Variants in SLX4IP observed in about 807,000 individuals in gnomAD.
SLX4IP encodes the protein protein SLX4IP.
In SLX4IP, 34 loss-of-function variants were observed where a neutral mutation model predicts 32.9. The ratio of observed to expected loss-of-function variants is 1.03; its 90% CI spans 0.79 to 1.38. The LOEUF (loss-of-function observed/expected upper bound fraction) is 1.38. Among genes scored for constraint, SLX4IP ranks in the 40% most tolerant of loss-of-function variants. The probability of loss-of-function intolerance (pLI) is 0.00; values close to 1 mark genes in which losing one functional copy is unlikely to be tolerated. For missense variants in SLX4IP, 444 were observed against 479.0 expected, an observed-to-expected ratio of 0.93 and a Z score of 0.68; for synonymous variants, 172 against 171.7, an observed-to-expected ratio of 1.00 and a Z score of -0.01.
At chr20:10,511,194 C>A (rs908555520) in intron 2 of SLX4IP, among the ~76,000 whole-genome samples, 3 of 152,186 alleles carry the variant, frequency 2.0e-5, no homozygotes, top group East Asian at 1.9e-4. Context: ...CTGCTGACAC[C>A]TATTTACTCT....
chr20:10,598,880 G>A (rs542087803), intron 5 of SLX4IP, 128 bp downstream of exon 5: 28 of 891,482 alleles, frequency 3.1e-5, no homozygotes, highest in African/African-American at 2.0e-4. Context: ...GAGTGTGTCC[G>A]AAAGTTTGCG....
intron 4 of SLX4IP, among the ~76,000 whole-genome samples, chr20:10,583,548 G>A (rs975286022): frequency 6.6e-6 from 1 of 152,124 alleles, no homozygotes; most frequent in African/African-American, 2.4e-5. Context: ...CATCCGGATG[G>A]TGGCATTAAC....
intron 2 of SLX4IP, among the ~76,000 whole-genome samples, chr20:10,528,923 G>T (rs2065961952): frequency 6.6e-6 from 1 of 152,220 alleles, no homozygotes; most frequent in African/African-American, 2.4e-5. Flanking sequence ...CTAGCTCAAA[G>T]TTGATATTCC....
At chr20:10,447,631 A>G (rs149839201) in intron 1 of SLX4IP, among the ~76,000 whole-genome samples, 11 of 152,160 alleles carry the variant, frequency 7.2e-5, no homozygotes, top group African/African-American at 2.4e-4. Flanking sequence ...CTTTGTATTC[A>G]TAGATTTCTA....
chr20:10,613,520 A>G, intron 6 of SLX4IP: 1 of 1,609,482 alleles, frequency 6.2e-7, no homozygotes, highest in Non-Finnish European at 8.5e-7. Context: ...GAGCCAGAAA[A>G]TTGTCCATTT....
At chr20:10,614,057 G>C in intron 6 of SLX4IP, 3 of 1,523,268 alleles carry the variant, frequency 2.0e-6, no homozygotes, top group South Asian at 2.3e-5. Flanking sequence ...AGCGGGTGGC[G>C]TCCTCCTTGT....
intron 4 of SLX4IP, among the ~76,000 whole-genome samples, chr20:10,595,831 G>GCT (rs1221237905): frequency 1.3e-5 from 2 of 152,192 alleles, no homozygotes; most frequent in African/African-American, 4.8e-5. Context: ...CATATGACCA[G>GCT]TCGAATTTGG....
intron 1 of SLX4IP, among the ~76,000 whole-genome samples, chr20:10,454,557 G>A (rs975822002): frequency 1.3e-5 from 2 of 152,190 alleles, no homozygotes; most frequent in Admixed American, 1.3e-4. Flanking sequence ...AAAAGCAGTT[G>A]CCTGGCTGAG....
chr20:10,579,067 A>G (rs1160820547), intron 4 of SLX4IP, among the ~76,000 whole-genome samples: 3 of 152,098 alleles, frequency 2.0e-5, no homozygotes, highest in Non-Finnish European at 4.4e-5. Flanking sequence ...AAAAGTTTTT[A>G]ATTTTAATGA....
chr20:10,505,422 C>T (rs1267957462), intron 2 of SLX4IP, among the ~76,000 whole-genome samples: 1 of 152,194 alleles, frequency 6.6e-6, no homozygotes, highest in Admixed American at 6.5e-5. Context: ...GCCAGTGCTA[C>T]TCGGAAAATG....
chr20:10,526,218 C>T lies in SLX4IP; in HGVS notation c.28-30013C>T, dbSNP rs533491542. On this transcript the variant is annotated intron_variant, in intron 2 of 7. Transcript: ENST00000334534. The stretch of plus-strand genomic sequence containing the variant: ...ACTTGGTAAAAGCCTAGTCATCAAT[C>T]TAGATGTCTATTGAGGTGATAAAAT... Among the ~76,000 whole-genome samples the T allele has an allele frequency of 9.8e-5, 15 of 152,308 alleles. No individual in the cohort carries two copies. In the South Asian group the frequency reaches 3.1e-3, roughly 32 times the overall value.
chr20:10,447,266 G>A (rs1463244306), intron 1 of SLX4IP, among the ~76,000 whole-genome samples: 2 of 150,612 alleles, frequency 1.3e-5, no homozygotes, highest in African/African-American at 4.8e-5. Flanking sequence ...CTGCCTGTTT[G>A]TCTGCCCGTT....
chr20:10,450,114 C>T (rs925681538), intron 1 of SLX4IP, among the ~76,000 whole-genome samples: 3 of 152,254 alleles, frequency 2.0e-5, no homozygotes, highest in Non-Finnish European at 2.9e-5. Context: ...TGGCCTTCCA[C>T]GTGGTCTATC....
chr20:10,516,352 CAG>C lies in SLX4IP; in HGVS notation c.28-39875_28-39874del, dbSNP rs2065849368. ...AGAAAGTAAGTTTAGTTTTTCAACT[CAG>C]AGAAAATCACCTTATTAATCTTCAA... On this transcript the variant is annotated intron_variant, in intron 2 of 7. Coordinates refer to ENST00000334534, the MANE Select transcript of SLX4IP (RefSeq NM_001009608.3). 2.0e-5 allele frequency among the ~76,000 whole-genome samples: 3 copies of C among 151,246 alleles called. No individual in the cohort carries two copies. The South Asian group carries it at 6.4e-4, about 32-fold the overall frequency.
intron 4 of SLX4IP, among the ~76,000 whole-genome samples, chr20:10,573,017 T>C (rs1160664531): frequency 1.3e-5 from 2 of 152,228 alleles, no homozygotes; most frequent in East Asian, 3.9e-4. Context: ...CTTTCCTCTG[T>C]CTGAGAAATG....
In SLX4IP at chr20:10,613,840, G is replaced by A. The variant is rs577349452; in HGVS notation, c.406-7474G>A. ...AGATAGGCCTGCTTAATATCAGCCA[G>A]CTCTTCTTCCAAACCTTTGTATGTC... On this transcript the variant is annotated intron_variant, in intron 6 of 7. Coordinates refer to ENST00000334534, the MANE Select transcript of SLX4IP (RefSeq NM_001009608.3). 4.1e-5 allele frequency: 66 copies of A among 1,604,124 alleles called. No individual in the cohort carries two copies. The East Asian group carries it at 1.0e-3, about 25-fold the overall frequency.
intron 4 of SLX4IP, among the ~76,000 whole-genome samples, chr20:10,578,711 C>T (rs916511845): frequency 2.0e-5 from 3 of 152,156 alleles, no homozygotes; most frequent in African/African-American, 7.2e-5. Context: ...GTGTATGAGG[C>T]TTCTATTTTC....
chr20:10,573,270 A>G (rs1480927064), intron 4 of SLX4IP, among the ~76,000 whole-genome samples: 3 of 152,222 alleles, frequency 2.0e-5, no homozygotes, highest in African/African-American at 7.2e-5. Flanking sequence ...CCCTTCCTCC[A>G]TACAAACCTT....
intron 2 of SLX4IP, among the ~76,000 whole-genome samples, chr20:10,515,374 C>G (rs560306709): frequency 1.3e-5 from 2 of 152,124 alleles, no homozygotes; most frequent in East Asian, 3.9e-4. Context: ...CATGAGCCAC[C>G]GTGCCAGACC....
Sources: allele counts gnomAD v4.1 joint callset (sites outside exome capture counted in the v4.1 genomes callset), GRCh38; gene constraint gnomAD v4.1.1; transcripts MANE v1.5; gene names NCBI Gene and HGNC (gene_info 2026-07-23, HGNC 2026-07-21).